The following SNX29 variants were observed in gnomAD, a reference collection of about 807,000 sequenced individuals.
SNX29 encodes sorting nexin-29.
Under a neutral mutation model 102.1 loss-of-function variants are expected in SNX29, and 78 were observed. The ratio of observed to expected loss-of-function variants is 0.76; its 90% confidence interval spans 0.64 to 0.92. SNX29 has a LOEUF of 0.92. Ranked by LOEUF, SNX29 falls within the 40% of genes least tolerant of loss-of-function variation. The pLI is 0.00. For missense variants in SNX29, 1,280 were observed against 1,061.7 expected (o/e 1.21, Z -2.86); for synonymous variants, 580 against 414.5 (o/e 1.40, Z -4.85).
chr16:12,354,443 A>G (rs1470588383), intron 15 of SNX29, among the ~76,000 whole-genome samples: 3 of 152,236 alleles, frequency 2.0e-5, no homozygotes, highest in African/African-American at 4.8e-5. Context: ...GGTAAACACA[A>G]CTTGGATCTG....
intron 3 of SNX29, among the ~76,000 whole-genome samples, chr16:12,015,537 C>CT (rs75041580): frequency 0.01 from 1,440 of 137,532 alleles, 19 homozygotes; most frequent in African/African-American, 0.019. Flanking sequence ...CGTGCCTGGT[C>CT]TTTTTTTTTT....
intron 3 of SNX29, among the ~76,000 whole-genome samples, chr16:12,010,751 ATT>A (rs34541174): frequency 4.3e-4 from 64 of 148,558 alleles, no homozygotes; most frequent in Admixed American, 4.0e-4. Context: ...TGTTTTGGTG[ATT>A]TTTTTTTTTT....
At chr16:12,224,059 A>G (rs949991093) in intron 14 of SNX29, among the ~76,000 whole-genome samples, 2 of 152,134 alleles carry the variant, frequency 1.3e-5, no homozygotes, top group African/African-American at 2.4e-5. Flanking sequence ...TGCCCGTGGT[A>G]GCCTTCCTCC....
chr16:12,555,523 C>T (rs1219566346), intron 20 of SNX29, among the ~76,000 whole-genome samples: 1 of 151,504 alleles, frequency 6.6e-6, no homozygotes, highest in Non-Finnish European at 1.5e-5. Flanking sequence ...TGGACAGCGC[C>T]CCTGCTCTCT....
intron 20 of SNX29, among the ~76,000 whole-genome samples, chr16:12,539,587 C>G (rs185199484): frequency 3.3e-5 from 5 of 152,284 alleles, no homozygotes; most frequent in Admixed American, 6.5e-5. Context: ...GTTTTCATTT[C>G]TGTGCGGCAA....
chr16:12,362,027 G>C (rs900756896), intron 16 of SNX29, among the ~76,000 whole-genome samples: 2 of 152,130 alleles, frequency 1.3e-5, no homozygotes, highest in African/African-American at 4.8e-5. Flanking sequence ...TTAATAACGA[G>C]TAGCCTGCTG....
chr16:12,427,643 T>G (rs1164646445), intron 18 of SNX29, among the ~76,000 whole-genome samples: 1 of 152,210 alleles, frequency 6.6e-6, no homozygotes, highest in Non-Finnish European at 1.5e-5. Context: ...TGGAGGTTAA[T>G]AAAACGGCCA....
At chr16:12,089,598 G>A (rs556361563) in intron 11 of SNX29, among the ~76,000 whole-genome samples, 63 of 152,278 alleles carry the variant, frequency 4.1e-4, no homozygotes, top group Middle Eastern at 3.4e-3. Context: ...GTCTCAGGAT[G>A]GGGGGTTTGG....
chr16:11,989,967 C>A (rs570484350), intron 1 of SNX29, among the ~76,000 whole-genome samples: 1 of 152,164 alleles, frequency 6.6e-6, no homozygotes, highest in Non-Finnish European at 1.5e-5. Context: ...AAGGAGTGAG[C>A]CTGGTTTTGT....
intron 20 of SNX29, among the ~76,000 whole-genome samples, chr16:12,567,249 C>G (rs568346489): frequency 1.3e-5 from 2 of 152,048 alleles, no homozygotes; most frequent in Non-Finnish European, 2.9e-5. Flanking sequence ...GGACACAGTC[C>G]TGTCTTCCCT....
chr16:12,289,138 C>T (rs1213309021), intron 15 of SNX29, among the ~76,000 whole-genome samples: 1 of 152,238 alleles, frequency 6.6e-6, no homozygotes, highest in African/African-American at 2.4e-5. Context: ...GATGTGAGCA[C>T]TTACTGGGTA....
intron 13 of SNX29, among the ~76,000 whole-genome samples, chr16:12,161,300 G>A (rs1009594061): frequency 1.3e-5 from 2 of 152,060 alleles, no homozygotes; most frequent in African/African-American, 4.8e-5. Context: ...TCTTTGCCCC[G>A]AGGCGCAGCT....
chr16:12,080,438 T>C (rs1193206557), intron 11 of SNX29, among the ~76,000 whole-genome samples: 1 of 152,230 alleles, frequency 6.6e-6, no homozygotes, highest in Non-Finnish European at 1.5e-5. Flanking sequence ...ACTCAGTCCA[T>C]GGGACACAGG....
rs149711811 is a variant in SNX29, at chr16:12,556,739, A to G, written c.2319-11767A>G. ...CTTGGATTTTGTTTGGAATGTGAAT[A>G]AAGAAAAATTAAGGCACCCCCAGAG... On this transcript the variant is annotated intron_variant, in intron 20 of 20. Coordinates refer to ENST00000566228, the MANE Select transcript of SNX29 (RefSeq NM_032167.5). Among the ~76,000 whole-genome samples the G allele has an allele frequency of 4.3e-4, 65 of 152,310 alleles. 1 individual carries two copies. Among genetic ancestry groups the G allele is most frequent in the Non-Finnish European group, 8.7e-4 (59 of 68,034 alleles).
At chr16:12,541,112 C>G (rs967248048) in intron 20 of SNX29, among the ~76,000 whole-genome samples, 2 of 152,192 alleles carry the variant, frequency 1.3e-5, no homozygotes, top group African/African-American at 2.4e-5. Flanking sequence ...TGAAAGCTGA[C>G]TTGGAGGGGA....
At chr16:11,987,286 T>A (rs1449955493) in intron 1 of SNX29, among the ~76,000 whole-genome samples, 1 of 151,656 alleles carries the variant, frequency 6.6e-6, no homozygotes, top group Non-Finnish European at 1.5e-5. Context: ...CCTAGGGTGG[T>A]CTTGAAGTCC....
chr16:12,031,065 T>C (rs1403109773), intron 4 of SNX29, among the ~76,000 whole-genome samples: 1 of 151,996 alleles, frequency 6.6e-6, no homozygotes, highest in East Asian at 1.9e-4. Context: ...ATTTAGATGA[T>C]TCAGTTCTGT....
intron 20 of SNX29, among the ~76,000 whole-genome samples, chr16:12,544,887 T>TCAGTGGG (rs1170257355): frequency 1.3e-5 from 2 of 152,190 alleles, no homozygotes; most frequent in African/African-American, 2.4e-5. Context: ...TGGCCTGTGG[T>TCAGTGGG]CAGTGGGCCA....
chr16:12,523,885 G>GT (rs201603974), intron 19 of SNX29, among the ~76,000 whole-genome samples: 2,959 of 151,924 alleles, frequency 0.019, 113 homozygotes, highest in African/African-American at 0.068. Context: ...TGCATCCTAG[G>GT]TTTTTTTTGT....
Sources: allele counts gnomAD v4.1 joint callset (sites outside exome capture counted in the v4.1 genomes callset), GRCh38; gene constraint gnomAD v4.1.1; transcripts MANE v1.5; gene names NCBI Gene and HGNC (gene_info 2026-07-23, HGNC 2026-07-21).